The following ETV5 variants were observed in gnomAD, a reference collection of about 807,000 sequenced individuals.
ETV5 encodes ETS variant transcription factor 5, also known as ETS translocation variant 5.
ETV5 carries 10 observed loss-of-function variants against 70.0 expected under a neutral mutation model. That is an observed-to-expected ratio of 0.14 (90% confidence interval 0.09 to 0.24). ETV5 has a LOEUF of 0.24. Among genes scored for constraint, ETV5 ranks in the 10% least tolerant of loss-of-function variants. The probability of loss-of-function intolerance (pLI) is 1.00; values close to 1 mark genes in which losing one functional copy is unlikely to be tolerated. For synonymous variants in ETV5, 216 were observed against 242.2 expected (o/e 0.89, Z 1.01); for missense variants, 453 against 651.2 (o/e 0.70, Z 3.31).
At chr3:186,099,317 T>C (rs901467698) in intron 5 of ETV5, among the ~76,000 whole-genome samples, 2 of 152,246 alleles carry the variant, frequency 1.3e-5, no homozygotes. Context: ...CTCTGTTAAA[T>C]GAGCTTGATG....
In ETV5 at chr3:186,055,467, G is replaced by T. The variant is rs549821755; in HGVS notation, c.1209+1608C>A. ...CTACATGGCCAGAAAAAAACACGTA[G>T]GCACTAAACTAACACAGTGGCACTC... is the stretch of plus-strand genomic sequence containing the variant. On this transcript the variant is annotated intron_variant, in intron 11 of 12. Coordinates refer to ENST00000306376, the MANE Select transcript of ETV5 (RefSeq NM_004454.3). Among the ~76,000 whole-genome samples, 4 of 152,250 alleles carry T rather than the reference G, an allele frequency of 2.6e-5. No individual in the cohort carries two copies. The South Asian group carries it at 8.3e-4, about 32-fold the overall frequency.
chr3:186,051,930 A>C, intron 12 of ETV5, 100 bp downstream of exon 12: 2 of 1,191,216 alleles, frequency 1.7e-6, no homozygotes, highest in Admixed American at 3.7e-5. Flanking sequence ...AGGGGGCTAA[A>C]ATTTCCTCGT....
intron 9 of ETV5, among the ~76,000 whole-genome samples, chr3:186,060,888 C>A (rs1488243675): frequency 6.6e-6 from 1 of 152,216 alleles, no homozygotes; most frequent in South Asian, 2.1e-4. Flanking sequence ...TCTCTTCCCC[C>A]ACTCCCTCCT....
intron 5 of ETV5, among the ~76,000 whole-genome samples, chr3:186,104,065 C>T (rs1469210305): frequency 6.6e-6 from 1 of 152,222 alleles, no homozygotes; most frequent in African/African-American, 2.4e-5. Context: ...TGAGTCCTTG[C>T]ATGGCTCAGG....
At chr3:186,059,009 T>A in intron 9 of ETV5, among the ~76,000 whole-genome samples, 1 of 134,160 alleles carries the variant, frequency 7.5e-6, no homozygotes. Flanking sequence ...AGAGGCTCTG[T>A]CTCAAAAAAA....
chr3:186,101,048 T>C (rs759577575), intron 5 of ETV5, among the ~76,000 whole-genome samples: 4 of 152,240 alleles, frequency 2.6e-5, no homozygotes, highest in Non-Finnish European at 5.9e-5. Context: ...GTTCCAATCT[T>C]ATCCATGGCA....
In ETV5 at chr3:186,052,516, G is replaced by C. The variant is rs1713056671; in HGVS notation, c.1210-385C>G. 6.6e-6 allele frequency among the ~76,000 whole-genome samples: 1 copy of C among 152,172 alleles called. No homozygotes were observed. The highest frequency in any genetic ancestry group is 2.4e-5 in the African/African-American group (1 of 41,432). ...CAGTCAATAAGGAATAATTAGAATG[G>C]TCATTCCTGAAACATTAGAAACACA... On this transcript the variant is annotated intron_variant, in intron 11 of 12. Coordinates refer to ENST00000306376, the MANE Select transcript of ETV5 (RefSeq NM_004454.3). The surrounding 1 kb of genome is among the most constrained non-coding windows in gnomAD (Gnocchi z 4.5).
intron 7 of ETV5, among the ~76,000 whole-genome samples, chr3:186,071,376 C>A (rs1465555111): frequency 2.6e-5 from 4 of 152,206 alleles, no homozygotes; most frequent in Non-Finnish European, 5.9e-5. Flanking sequence ...AATCGAGAAG[C>A]AGCACAGCTG....
rs567607867 is a variant in ETV5 at position 186,054,703 on chromosome 3, G to A, written c.1209+2372C>T. ...TTACGTCCCAACAGCTTCCTCCTCC[G>A]CTTCACCCTTCAAGCTCCCCCATGA... On this transcript the variant is annotated intron_variant, in intron 11 of 12. Coordinates refer to ENST00000306376, the MANE Select transcript of ETV5 (RefSeq NM_004454.3). This position sits in a 1 kb window ranked among gnomAD's most constrained non-coding sequence, Gnocchi z 4.4. Among the ~76,000 whole-genome samples, 129 of 152,068 alleles carry A rather than the reference G, an allele frequency of 8.5e-4. No homozygotes were observed. Among genetic ancestry groups the A allele is most frequent in the African/African-American group, 2.8e-3 (118 of 41,460 alleles).
chr3:186,053,397 C>T (rs1383401654), intron 11 of ETV5, among the ~76,000 whole-genome samples: 2 of 152,202 alleles, frequency 1.3e-5, no homozygotes, highest in African/African-American at 2.4e-5. Flanking sequence ...CCACTGCACC[C>T]GGCCCCTTCG....
chr3:186,090,002 A>G (rs931124342), intron 5 of ETV5, among the ~76,000 whole-genome samples: 1 of 152,234 alleles, frequency 6.6e-6, no homozygotes, highest in African/African-American at 2.4e-5. Flanking sequence ...CAAATGGTTA[A>G]GAAAAAACCA....
Position 186,048,880 on chromosome 3 carries a change from T to C in ETV5, c.1312-20A>G. Reference sequence around the variant, plus strand: ...AGCCACCTGCGGGAGAACACACACCTTACAGGGCCCAGTTGGAACAGGGCA... The same window carrying C: ...AGCCACCTGCGGGAGAACACACACCCTACAGGGCCCAGTTGGAACAGGGCA... On this transcript the variant is annotated intron_variant, in intron 12 of 12. Coordinates refer to ENST00000306376, the MANE Select transcript of ETV5 (RefSeq NM_004454.3). 1 of 1,600,778 alleles carries C rather than the reference T, an allele frequency of 6.2e-7. No homozygotes were observed. Among genetic ancestry groups the C allele is most frequent in the African/African-American group, 1.3e-5 (1 of 74,672 alleles).
rs1204755754 is a variant in ETV5 at position 186,047,047 on chromosome 3, C to T, written c.*1592G>A. ...CCATGAATAGAAAAGCAGTTCAAAG[C>T]ACGTGTCTCACACTCACGGAGTCAG... On this transcript the variant is annotated 3_prime_UTR_variant, in exon 13 of 13. Coordinates refer to ENST00000306376, the MANE Select transcript of ETV5 (RefSeq NM_004454.3). The T allele has an allele frequency of 4.4e-6, 1 of 227,878 alleles. No individual in the cohort carries two copies. Among genetic ancestry groups the T allele is most frequent in the African/African-American group, 2.2e-5 (1 of 45,056 alleles). 14.1% of individuals were successfully genotyped at this position (227,878 alleles called of 1,614,324 possible). A position where few individuals can be genotyped will look rare whatever the true frequency, so the allele number is the denominator to read the frequency against.
intron 5 of ETV5, among the ~76,000 whole-genome samples, chr3:186,086,017 G>A (rs1473484713): frequency 2.0e-5 from 3 of 152,056 alleles, no homozygotes; most frequent in Non-Finnish European, 4.4e-5. Context: ...CAGAAGCCCT[G>A]CCCTGCCCTG....
At chr3:186,049,802 T>C (rs990204970) in intron 12 of ETV5, among the ~76,000 whole-genome samples, 1 of 152,238 alleles carries the variant, frequency 6.6e-6, no homozygotes, top group Non-Finnish European at 1.5e-5. Context: ...ACGCTGGTTT[T>C]ACCTTAAAGC....
rs1191505887 is a variant in ETV5, at chr3:186,105,135, A to G, written c.232+170T>C. On this transcript the variant is annotated intron_variant, in intron 5 of 12. Coordinates refer to ENST00000306376, the MANE Select transcript of ETV5 (RefSeq NM_004454.3). The surrounding 1 kb of genome is among the most constrained non-coding windows in gnomAD (Gnocchi z 4.5). ...ATACAGTAGAAATACTTTAGAAATA[A>G]TTTTATTATGAAATAAAAGTTTTCA... is the stretch of plus-strand genomic sequence containing the variant. 1 of 545,578 alleles carries G rather than the reference A, an allele frequency of 1.8e-6. No homozygotes were observed. The highest frequency in any genetic ancestry group is 3.2e-6 in the Non-Finnish European group (1 of 312,388). The allele number at this position is 545,578 out of a possible 1,614,324, so 33.8% of individuals were successfully genotyped here.
At position 186,047,717 on chromosome 3, in the gene ETV5, G is replaced by A; in HGVS notation, c.*922C>T. On this transcript the variant is annotated 3_prime_UTR_variant, in exon 13 of 13. Transcript: ENST00000306376. ...GAAGCCTCAGCAAAGCCCCTCTCAA[G>A]CTGCAGTGTCTTCATAAGTTGGCAC... 4.3e-6 allele frequency: 1 copy of A among 233,554 alleles called. No homozygotes were observed. Among genetic ancestry groups the A allele is most frequent in the East Asian group, 6.0e-5 (1 of 16,582 alleles). 14.5% of individuals were successfully genotyped at this position (233,554 alleles called of 1,614,324 possible).
chr3:186,063,900 C>A (rs1341559030), intron 9 of ETV5, among the ~76,000 whole-genome samples: 1 of 152,144 alleles, frequency 6.6e-6, no homozygotes, highest in Non-Finnish European at 1.5e-5. Flanking sequence ...CCCACCCAAG[C>A]ACTCAAACTA....
chr3:186,091,040 C>A (rs778343831), intron 5 of ETV5, among the ~76,000 whole-genome samples: 10 of 152,194 alleles, frequency 6.6e-5, no homozygotes, highest in Non-Finnish European at 1.3e-4. Context: ...GCCCTCCATA[C>A]GACTCATAGG....
Sources: allele counts gnomAD v4.1 joint callset (sites outside exome capture counted in the v4.1 genomes callset), GRCh38; gene constraint gnomAD v4.1.1; non-coding constraint Gnocchi (gnomAD v3.1); transcripts MANE v1.5; gene names NCBI Gene and HGNC (gene_info 2026-07-23, HGNC 2026-07-21).